GPX5: variants seen among roughly 807,000 people sequenced by gnomAD.
The protein encoded by GPX5 is epididymal secretory glutathione peroxidase.
A neutral mutation model predicts 23.8 loss-of-function variants in GPX5; 20 were observed. That is an observed-to-expected ratio of 0.84 (90% CI 0.59 to 1.22). The LOEUF is 1.22. Among genes scored for constraint, GPX5 ranks in the 50% most tolerant of loss-of-function variants. GPX5 has a pLI of 0.00. For missense variants in GPX5, 230 were observed against 266.6 expected, an observed-to-expected ratio of 0.86 and a Z score of 0.96; for synonymous variants, 92 against 99.5, an observed-to-expected ratio of 0.92 and a Z score of 0.45.
chr6:28,531,370 C>CAAAAAAA (rs1193939654), intron 2 of GPX5, among the ~76,000 whole-genome samples: 1 of 50,116 alleles, frequency 2.0e-5, no homozygotes, highest in Non-Finnish European at 3.6e-5. Flanking sequence ...GAATCTGTCT[C>CAAAAAAA]AAAAAAAAAA....
intron 2 of GPX5, among the ~76,000 whole-genome samples, chr6:28,531,196 C>T (rs1220013040): frequency 5.3e-5 from 8 of 151,476 alleles, no homozygotes; most frequent in Non-Finnish European, 1.0e-4. Flanking sequence ...TGGCGAAACC[C>T]CGTCTCTACT....
rs199538306 is a variant in GPX5 at position 28,534,001 on chromosome 6, A to G, written c.500A>G (p.Lys167Arg). Residue 167 changes from lysine to arginine, a missense_variant, in exon 5 of 5, where the codon AAA becomes AGA. By Grantham distance (26) the Lys-to-Arg change is conservative. Transcript: ENST00000412168. ...CCCTCTGAGATTTTGGGCACATTCAAATCTATATCCTGGGACCCTGTAAAG... is the reference window on the plus strand; with the variant it reads ...CCCTCTGAGATTTTGGGCACATTCAGATCTATATCCTGGGACCCTGTAAAG... ...PHPSEILGTF[K>R]SISWDPVKVH... 27 of 1,605,582 alleles carry G rather than the reference A, an allele frequency of 1.7e-5. No individual in the cohort carries two copies. The highest frequency in any genetic ancestry group is 2.3e-5 in the Non-Finnish European group (27 of 1,176,358).
chr6:28,529,043 C>T (rs940662012), intron 1 of GPX5, among the ~76,000 whole-genome samples: 1 of 151,498 alleles, frequency 6.6e-6, no homozygotes, highest in Non-Finnish European at 1.5e-5. Flanking sequence ...TGACTATAGT[C>T]ACCCTGTTGT....
chr6:28,528,933 G>T (rs185698341), intron 1 of GPX5, among the ~76,000 whole-genome samples: 1 of 146,188 alleles, frequency 6.8e-6, no homozygotes, highest in East Asian at 2.0e-4. Context: ...TCACATTATG[G>T]AAAATGGGGT....
At chr6:28,529,714 C>T (rs1763277531) in intron 2 of GPX5, 110 bp downstream of exon 2, 1 of 901,880 alleles carries the variant, frequency 1.1e-6, no homozygotes, top group East Asian at 2.9e-5. Context: ...AAAATAAATA[C>T]TCATAATCAA....
chr6:28,534,377 A>G lies in GPX5; in HGVS notation c.*210A>G, dbSNP rs1204356836. On this transcript the variant is annotated 3_prime_UTR_variant, in exon 5 of 5. Coordinates refer to ENST00000412168, the MANE Select transcript of GPX5 (RefSeq NM_001509.3). ...AAGGCTACTGCTCTTTTGCCTCTCA[A>G]GAGTATGTGGGTGAAGACTGAAACA... is the stretch of plus-strand genomic sequence containing the variant. 5 of 449,168 alleles carry G rather than the reference A, an allele frequency of 1.1e-5. No homozygotes were observed. The East Asian group carries it at 1.4e-4, about 12-fold the overall frequency. 27.8% of individuals were successfully genotyped at this position (449,168 alleles called of 1,614,324 possible).
chr6:28,533,441 G>A (rs558747263), intron 4 of GPX5, among the ~76,000 whole-genome samples: 3 of 152,182 alleles, frequency 2.0e-5, no homozygotes, highest in African/African-American at 4.8e-5. Context: ...AACTCAACTC[G>A]TCTAACTTAT....
chr6:28,531,155 A>C (rs1224941086), intron 2 of GPX5, among the ~76,000 whole-genome samples: 3 of 143,718 alleles, frequency 2.1e-5, no homozygotes, highest in Admixed American at 2.1e-4. Flanking sequence ...GCCAGGCTGC[A>C]CAGAGGAGAG....
chr6:28,527,258 A>G (rs1413573990), intron 1 of GPX5, among the ~76,000 whole-genome samples: 1 of 152,230 alleles, frequency 6.6e-6, no homozygotes, highest in Admixed American at 6.5e-5. Flanking sequence ...GCAAAAGAAA[A>G]AAAAAAGGCA....
intron 4 of GPX5, among the ~76,000 whole-genome samples, chr6:28,532,982 G>A (rs1763355534): frequency 6.6e-6 from 1 of 152,096 alleles, no homozygotes; most frequent in African/African-American, 2.4e-5. Context: ...TTAGCTGGGT[G>A]TGGTGGCACG....
chr6:28,532,265 T>A, intron 3 of GPX5, 56 bp from the exon 4 acceptor site: 2 of 1,038,584 alleles, frequency 1.9e-6, no homozygotes, highest in South Asian at 3.3e-5. Flanking sequence ...AGTGTCCCAT[T>A]ATAATCTTTA....
In GPX5 at chr6:28,529,510, T is replaced by G. The variant is rs201166039; in HGVS notation, c.147T>G (p.Asn49Lys). 4 of 1,613,416 alleles carry G rather than the reference T, an allele frequency of 2.5e-6. No homozygotes were observed. The highest frequency in any genetic ancestry group is 1.3e-5 in the African/African-American group (1 of 74,916). ...ATGACTATGAGGCCATCGCACTTAA[T>G]AAGAATGAATATGTTTCCTTCAAGC... Reference protein sequence around the residue: ...TIYDYEAIALNKNEYVSFKQY... With the variant: ...TIYDYEAIALKKNEYVSFKQY... The change falls in exon 2 of 5, where the codon AAT becomes AAG. Residue 49 changes from asparagine to lysine, a missense_variant. Transcript: ENST00000412168.
chr6:28,531,655 G>T, intron 2 of GPX5, 123 bp from the exon 3 acceptor site: 2 of 682,870 alleles, frequency 2.9e-6, no homozygotes, highest in South Asian at 1.8e-5. Flanking sequence ...CCCTTCTGAT[G>T]CAGAGCTGTT....
intron 1 of GPX5, among the ~76,000 whole-genome samples, chr6:28,527,376 T>C (rs1368434635): frequency 2.0e-5 from 3 of 152,210 alleles, no homozygotes; most frequent in Non-Finnish European, 4.4e-5. Flanking sequence ...TGCATGTATA[T>C]ATGTATAAAT....
chr6:28,533,251 A>T (rs1160469431), intron 4 of GPX5, among the ~76,000 whole-genome samples: 1 of 152,224 alleles, frequency 6.6e-6, no homozygotes, highest in African/African-American at 2.4e-5. Flanking sequence ...TACCAAAGTG[A>T]ATTGTTCCTA....
chr6:28,532,290 A>G (rs375980523), intron 3 of GPX5, 31 bp from the exon 4 acceptor site: 11 of 1,310,948 alleles, frequency 8.4e-6, no homozygotes, highest in African/African-American at 1.5e-5. Flanking sequence ...CATATCCTGG[A>G]GCTTCCTGGG....
chr6:28,526,628 T>A (rs1421189320), intron 1 of GPX5, among the ~76,000 whole-genome samples: 1 of 152,142 alleles, frequency 6.6e-6, no homozygotes, highest in Admixed American at 6.5e-5. Flanking sequence ...GAGTCAGGCA[T>A]CTTGGATTCT....
Position 28,534,063 on chromosome 6 carries a change from G to A in GPX5, c.562G>A (p.Val188Met), listed in dbSNP as rs766042467. 5.0e-6 allele frequency: 8 copies of A among 1,612,210 alleles called. No homozygotes were observed. The highest frequency in any genetic ancestry group is 1.3e-5 in the African/African-American group (1 of 74,902). The change falls in exon 5 of 5, where the codon GTG (valine) becomes ATG (methionine). Residue 188 changes from valine (V) to methionine (M), a missense_variant. Transcript: ENST00000412168. ...DIRWNFEKFLVGPDGIPVMRW... is the reference protein window; with the variant it reads ...DIRWNFEKFLMGPDGIPVMRW... ...CCGTTGGAACTTTGAAAAGTTCCTG[G>A]TGGGGCCTGATGGAATCCCTGTCAT... is the stretch of plus-strand genomic sequence containing the variant.
chr6:28,532,389 A>T lies in GPX5; in HGVS notation c.428A>T (p.Glu143Val), dbSNP rs748659739. 6 of 1,594,682 alleles carry T rather than the reference A, an allele frequency of 3.8e-6. No individual in the cohort carries two copies. The highest frequency in any genetic ancestry group is 5.1e-6 in the Non-Finnish European group (6 of 1,173,372). Residue 143 changes from glutamate to valine, a missense_variant, in exon 4 of 5, where the codon GAA becomes GTA. Glu to Val is a moderately radical substitution (Grantham distance 121). Transcript: ENST00000412168. ...TTTGAGAAAGGGGATGTGAATGGTG[A>T]AAAAGAACAGAAAGTCTTCAGTTTC... The part of the protein sequence containing the change: ...QLFEKGDVNG[E>V]KEQKVFSFLK...
Sources: allele counts gnomAD v4.1 joint callset (sites outside exome capture counted in the v4.1 genomes callset), GRCh38; gene constraint gnomAD v4.1.1; transcripts MANE v1.5; gene names NCBI Gene and HGNC (gene_info 2026-07-23, HGNC 2026-07-21).